Variants in C3orf70 observed in about 807,000 individuals in gnomAD.
C3orf70 encodes UPF0524 protein C3orf70.
A neutral mutation model predicts 20.7 loss-of-function variants in C3orf70; 15 were observed. That is an observed-to-expected ratio of 0.72 (90% CI 0.48 to 1.11). C3orf70 has a LOEUF of 1.11. Among genes scored for constraint, C3orf70 ranks in the 50% most tolerant of loss-of-function variants. C3orf70 has a pLI of 0.00. For synonymous variants in C3orf70, 161 were observed against 125.7 expected (o/e 1.28, Z -1.88); for missense variants, 332 against 317.6 (o/e 1.05, Z -0.34).
At chr3:185,107,076 C>T (rs544537058) in intron 1 of C3orf70, among the ~76,000 whole-genome samples, 1 of 152,106 alleles carries the variant, frequency 6.6e-6, no homozygotes, top group East Asian at 1.9e-4. Context: ...TAATAAACAC[C>T]CTACCTGTGA....
intron 1 of C3orf70, among the ~76,000 whole-genome samples, chr3:185,142,284 C>T (rs1394151757): frequency 6.6e-6 from 1 of 152,020 alleles, no homozygotes; most frequent in African/African-American, 2.4e-5. Context: ...ACAGTGAAAC[C>T]CCCCTCTCTA....
chr3:185,109,764 C>T (rs546031332), intron 1 of C3orf70, among the ~76,000 whole-genome samples: 123 of 152,254 alleles, frequency 8.1e-4, no homozygotes, highest in African/African-American at 2.7e-3. Context: ...CAGTTACACA[C>T]GCTTTCTGAT....
chr3:185,147,100 GC>G (rs1421881661), intron 1 of C3orf70, among the ~76,000 whole-genome samples: 3 of 152,140 alleles, frequency 2.0e-5, no homozygotes, highest in Admixed American at 6.5e-5. Flanking sequence ...TTTCTATGCT[GC>G]CCATCTACCT....
rs913189194 is a variant in C3orf70, at chr3:185,077,826, A to C, written c.*5181T>G. ...ATCAAGTTTTATTTGCTATAAACCC[A>C]ATGTAGCCAGAGTTCTGGGAGTTAT... On this transcript the variant is annotated 3_prime_UTR_variant, in exon 2 of 2. Transcript: ENST00000335012. Among the ~76,000 whole-genome samples, 3 of 150,216 alleles carry C rather than the reference A, an allele frequency of 2.0e-5. No homozygotes were observed. The highest frequency in any genetic ancestry group is 7.4e-5 in the African/African-American group (3 of 40,634).
At chr3:185,116,805 G>A (rs1716183991) in intron 1 of C3orf70, among the ~76,000 whole-genome samples, 2 of 149,952 alleles carry the variant, frequency 1.3e-5, no homozygotes, top group Admixed American at 6.6e-5. Flanking sequence ...TTGAGACGGA[G>A]TCTTGCTCAG....
At chr3:185,102,364 A>T (rs1305951382) in intron 1 of C3orf70, among the ~76,000 whole-genome samples, 3 of 152,234 alleles carry the variant, frequency 2.0e-5, no homozygotes, top group Non-Finnish European at 2.9e-5. Flanking sequence ...GAGGTGAAAG[A>T]TCTCTCCAAG....
At chr3:185,127,655 G>C (rs912743895) in intron 1 of C3orf70, among the ~76,000 whole-genome samples, 1 of 151,972 alleles carries the variant, frequency 6.6e-6, no homozygotes, top group African/African-American at 2.4e-5. Flanking sequence ...GGCTAGGCTG[G>C]TCTCGAACTC....
intron 1 of C3orf70, 55 bp from the exon 2 acceptor site, chr3:185,083,618 T>A: frequency 7.0e-7 from 1 of 1,433,096 alleles, no homozygotes; most frequent in Non-Finnish European, 9.3e-7. Flanking sequence ...TATATTAACA[T>A]GGCCATAATG....
rs1344989305 is a variant in C3orf70, at chr3:185,081,939, A to C, written c.*1068T>G. The C allele has an allele frequency of 1.3e-5, 2 of 152,602 alleles. No individual in the cohort carries two copies. The highest frequency in any genetic ancestry group is 2.9e-5 in the Non-Finnish European group (2 of 68,028). 9.5% of individuals were successfully genotyped at this position (152,602 alleles called of 1,614,324 possible). On this transcript the variant is annotated 3_prime_UTR_variant, in exon 2 of 2. Transcript: ENST00000335012. ...AAGCAGAATTAATCAAACCTATTAG[A>C]TTCAGTCCTAATCCCTAAAGGGCTT...
At chr3:185,134,936 G>A (rs1716592707) in intron 1 of C3orf70, among the ~76,000 whole-genome samples, 1 of 152,038 alleles carries the variant, frequency 6.6e-6, no homozygotes. Flanking sequence ...TGTCCGTGGA[G>A]GACAAGTGTG....
In C3orf70 at chr3:185,103,478, C is replaced by T. The variant is rs982418737; in HGVS notation, c.197-19915G>A. The stretch of plus-strand genomic sequence containing the variant: ...CTGACGAAGGTCTAATATCCATCAT[C>T]GAGAAGAAACTTAAATTTACAAGAA... On this transcript the variant is annotated intron_variant, in intron 1 of 1. Transcript: ENST00000335012. Among the ~76,000 whole-genome samples, 6 of 146,648 alleles carry T rather than the reference C, an allele frequency of 4.1e-5. No homozygotes were observed. In the South Asian group the frequency reaches 6.7e-4, roughly 16 times the overall value.
intron 1 of C3orf70, among the ~76,000 whole-genome samples, chr3:185,092,579 G>A (rs1715615223): frequency 6.6e-6 from 1 of 152,162 alleles, no homozygotes; most frequent in African/African-American, 2.4e-5. Flanking sequence ...CTGTCCTCAT[G>A]GAGCTTACAC....
rs541209269 is a variant in C3orf70 at position 185,078,277 on chromosome 3, G to A, written c.*4730C>T. Reference sequence around the variant, plus strand: ...CCTTAAAAAGTGAGGTGGACACAACGATATAGAAGCTCAATATTAAAGCCG... The same window carrying A: ...CCTTAAAAAGTGAGGTGGACACAACAATATAGAAGCTCAATATTAAAGCCG... On this transcript the variant is annotated 3_prime_UTR_variant, in exon 2 of 2. Coordinates refer to ENST00000335012, the MANE Select transcript of C3orf70 (RefSeq NM_001025266.3). The A allele has an allele frequency of 7.2e-5, 11 of 152,718 alleles. No individual in the cohort carries two copies. The highest frequency in any genetic ancestry group is 1.3e-4 in the Admixed American group (2 of 15,308). The allele number at this position is 152,718 out of a possible 1,614,324, so 9.5% of individuals were successfully genotyped here.
At chr3:185,142,645 T>G (rs1561368303) in intron 1 of C3orf70, among the ~76,000 whole-genome samples, 1 of 152,156 alleles carries the variant, frequency 6.6e-6, no homozygotes, top group Non-Finnish European at 1.5e-5. Flanking sequence ...AACAGACTAT[T>G]CACTCAGCAT....
intron 1 of C3orf70, among the ~76,000 whole-genome samples, chr3:185,124,576 A>G (rs942295962): frequency 3.9e-5 from 6 of 152,324 alleles, no homozygotes; most frequent in Middle Eastern, 3.4e-3. Context: ...AACTTACACT[A>G]TAAAATTTCG....
rs757363358 is a variant in C3orf70, at chr3:185,077,786, T to TG, written c.*5220dup. On this transcript the variant is annotated 3_prime_UTR_variant, in exon 2 of 2. Coordinates refer to ENST00000335012, the MANE Select transcript of C3orf70 (RefSeq NM_001025266.3). The stretch of plus-strand genomic sequence containing the variant: ...GTGTGAAATAAATGCTATTTGGTGG[T>TG]GGTGGGGGGGGGGTATCAAGTTTTA... 1.9e-3 allele frequency among the ~76,000 whole-genome samples: 160 copies of TG among 85,058 alleles called. 1 individual carries two copies. The East Asian group carries it at 0.02, about 10-fold the overall frequency. The allele number at this position is 85,058 out of a possible 152,430, so 55.8% of individuals were successfully genotyped here.
At chr3:185,085,137 G>A (rs897838800) in intron 1 of C3orf70, among the ~76,000 whole-genome samples, 4 of 152,160 alleles carry the variant, frequency 2.6e-5, no homozygotes, top group African/African-American at 7.2e-5. Flanking sequence ...GTGATTTATG[G>A]TATCTTCATG....
intron 1 of C3orf70, among the ~76,000 whole-genome samples, chr3:185,148,086 C>T (rs1716912414): frequency 6.6e-6 from 1 of 152,220 alleles, no homozygotes; most frequent in South Asian, 2.1e-4. Context: ...AGAAAACACT[C>T]TGGTGTTGTA....
chr3:185,102,783 T>G (rs781215189), intron 1 of C3orf70, among the ~76,000 whole-genome samples: 9 of 151,968 alleles, frequency 5.9e-5, no homozygotes, highest in Admixed American at 2.6e-4. Flanking sequence ...TTCTACAAAG[T>G]TGATAAAAAC....
Sources: gnomAD v4.1 joint callset for allele counts (sites outside exome capture counted in the v4.1 genomes callset) on GRCh38, gnomAD v4.1.1 for gene constraint, MANE v1.5 for transcripts, NCBI Gene and HGNC (gene_info 2026-07-23, HGNC 2026-07-21) for gene names.